The following ACACB variants were observed in gnomAD, a reference collection of about 807,000 sequenced individuals.
ACACB encodes acetyl-CoA carboxylase beta, also known as acetyl-CoA carboxylase 2.
In ACACB, 209 loss-of-function variants were observed where a neutral mutation model predicts 278.8. The ratio of observed to expected loss-of-function variants is 0.75; its 90% CI spans 0.67 to 0.84. The LOEUF (loss-of-function observed/expected upper bound fraction) is 0.84. Among genes scored for constraint, ACACB ranks in the 40% least tolerant of loss-of-function variants. The pLI is 0.00. For missense variants in ACACB, 2,850 were observed against 3,269.0 expected, an observed-to-expected ratio of 0.87 and a Z score of 3.13; for synonymous variants, 1,174 against 1,285.6, an observed-to-expected ratio of 0.91 and a Z score of 1.86.
chr12:109,164,717 A>ATT (rs36026617), intron 2 of ACACB, among the ~76,000 whole-genome samples: 29,957 of 134,050 alleles, frequency 0.22, 3,595 homozygotes, highest in East Asian at 0.29. Context: ...GCTAATTTAA[A>ATT]TTTTTTTTTT....
chr12:109,262,268 C>G, intron 48 of ACACB, 89 bp from the exon 49 acceptor site: 1 of 1,002,602 alleles, frequency 1.0e-6, no homozygotes, highest in Non-Finnish European at 1.5e-6. Flanking sequence ...TCTTCTGGCT[C>G]TCTTCCCTCC....
rs147400233 is a variant in ACACB at position 109,242,330 on chromosome 12, A to G, written c.5023-107A>G. 1.1e-4 allele frequency: 139 copies of G among 1,285,636 alleles called. No homozygotes were observed. The African/African-American group carries it at 1.8e-3, about 17-fold the overall frequency. 79.6% of individuals were successfully genotyped at this position (1,285,636 alleles called of 1,614,324 possible). A position where few individuals can be genotyped will look rare whatever the true frequency, so the allele number is the denominator to read the frequency against. ...CACTCACTTTGTCATGCCATGTGAC[A>G]TGCTTTGCTTCCCCCACCTGCATTT... is the stretch of plus-strand genomic sequence containing the variant. On this transcript the variant is annotated intron_variant, in intron 36 of 52. Coordinates refer to ENST00000338432, the MANE Select transcript of ACACB (RefSeq NM_001093.4).
intron 12 of ACACB, among the ~76,000 whole-genome samples, chr12:109,187,475 ATT>A (rs2044703838): frequency 6.9e-6 from 1 of 143,908 alleles, no homozygotes; most frequent in Non-Finnish European, 1.5e-5. Flanking sequence ...TTATTTATTT[ATT>A]TGAGACAGGT....
At chr12:109,164,551 C>G (rs2043837087) in intron 2 of ACACB, among the ~76,000 whole-genome samples, 1 of 150,706 alleles carries the variant, frequency 6.6e-6, no homozygotes, top group Non-Finnish European at 1.5e-5. Context: ...ATTTCACACA[C>G]AGCCAAGTGG....
intron 1 of ACACB, among the ~76,000 whole-genome samples, chr12:109,134,167 C>T (rs2042913570): frequency 6.6e-6 from 1 of 152,074 alleles, no homozygotes; most frequent in South Asian, 2.1e-4. Flanking sequence ...GGTCTATGTC[C>T]CCAAGCACCA....
At chr12:109,209,820 TGC>T (rs1250769720) in intron 21 of ACACB, among the ~76,000 whole-genome samples, 1 of 142,826 alleles carries the variant, frequency 7.0e-6, no homozygotes, top group African/African-American at 2.9e-5. Context: ...CACATATATA[TGC>T]ATATATATAC....
chr12:109,187,872 G>A (rs765039320), intron 12 of ACACB, 127 bp from the exon 13 acceptor site: 4 of 1,004,486 alleles, frequency 4.0e-6, no homozygotes, highest in Non-Finnish European at 5.7e-6. Context: ...CGATATCAGT[G>A]TTCTATTGAC....
At chr12:109,167,672 C>T (rs537865073) in intron 3 of ACACB, among the ~76,000 whole-genome samples, 1 of 112,916 alleles carries the variant, frequency 8.9e-6, no homozygotes, top group South Asian at 3.0e-4. Flanking sequence ...AAACAGCCAT[C>T]CATCCATCCA....
intron 5 of ACACB, 59 bp from the exon 6 acceptor site, chr12:109,172,216 C>A: frequency 6.5e-7 from 1 of 1,542,126 alleles, no homozygotes; most frequent in Non-Finnish European, 8.9e-7. Context: ...GTTACTGCAC[C>A]TGGCTGGGAG....
At chr12:109,209,870 TACAC>T (rs796952306) in intron 21 of ACACB, among the ~76,000 whole-genome samples, 5 of 128,036 alleles carry the variant, frequency 3.9e-5, no homozygotes, top group East Asian at 5.0e-4. Flanking sequence ...TATACACACA[TACAC>T]ACACGTGTGT....
At chr12:109,130,842 G>A (rs922066720) in intron 1 of ACACB, among the ~76,000 whole-genome samples, 3 of 152,150 alleles carry the variant, frequency 2.0e-5, no homozygotes, top group African/African-American at 7.2e-5. Flanking sequence ...TCCTGCCTGG[G>A]CTGACCTGTG....
chr12:109,193,569 A>G, intron 15 of ACACB, 79 bp from the exon 16 acceptor site: 2 of 1,233,078 alleles, frequency 1.6e-6, no homozygotes, highest in Non-Finnish European at 1.2e-6. Flanking sequence ...AGAGTTGCGT[A>G]ATTTTTTTAA....
At chr12:109,185,250 A>C (rs183835381) in intron 11 of ACACB, among the ~76,000 whole-genome samples, 1 of 152,342 alleles carries the variant, frequency 6.6e-6, no homozygotes, top group African/African-American at 2.4e-5. Context: ...TTAACTCTGC[A>C]GCCAACATGG....
chr12:109,266,479 C>T lies in ACACB; in HGVS notation c.*117C>T. 7.6e-7 allele frequency: 1 copy of T among 1,309,938 alleles called. No individual in the cohort carries two copies. The highest frequency in any genetic ancestry group is 1.0e-6 in the Non-Finnish European group (1 of 992,654). 81.1% of individuals were successfully genotyped at this position (1,309,938 alleles called of 1,614,324 possible). ...TTTTAAACAAAGAAAATCCTGGGCA[C>T]TTCTGCAGGGCTGCTGGTTCCGAGC... On this transcript the variant is annotated 3_prime_UTR_variant, in exon 53 of 53. Coordinates refer to ENST00000338432, the MANE Select transcript of ACACB (RefSeq NM_001093.4).
rs757435011 is a variant in ACACB, at chr12:109,171,886, T to A, written c.1007T>A (p.Val336Glu). 2 of 1,614,148 alleles carry A rather than the reference T, an allele frequency of 1.2e-6. No individual in the cohort carries two copies. The highest frequency in any genetic ancestry group is 1.7e-6 in the Non-Finnish European group (2 of 1,180,016). The change falls in exon 5 of 53, where the codon GTG becomes GAG. Residue 336 changes from valine (V) to glutamate (E), a missense_variant. Val to Glu is a moderately radical substitution (Grantham distance 121). Coordinates refer to ENST00000338432, the MANE Select transcript of ACACB (RefSeq NM_001093.4). ...AACTATGCCAACGTGGAGCTGATTG[T>A]GGACATTGCCAAGAGAATCCCCGTG... The part of the protein sequence containing the change: ...NNNYANVELI[V>E]DIAKRIPVQA...
At chr12:109,215,492 G>C (rs530791514) in intron 22 of ACACB, among the ~76,000 whole-genome samples, 3 of 152,034 alleles carry the variant, frequency 2.0e-5, no homozygotes, top group African/African-American at 7.2e-5. Context: ...GGCTGGGCGC[G>C]GTGGCTCATG....
intron 20 of ACACB, among the ~76,000 whole-genome samples, 162 bp from the exon 21 acceptor site, chr12:109,209,003 G>A (rs1288618758): frequency 6.6e-6 from 1 of 152,136 alleles, no homozygotes. Flanking sequence ...TGGTCAGGGG[G>A]CCATTCCACT....
intron 19 of ACACB, among the ~76,000 whole-genome samples, chr12:109,202,346 G>A (rs189667993): frequency 5.3e-5 from 8 of 151,764 alleles, no homozygotes; most frequent in South Asian, 2.1e-4. Context: ...ACAGACTCTC[G>A]CTCTGTCGCC....
At chr12:109,207,654 A>G (rs1426758665) in intron 20 of ACACB, among the ~76,000 whole-genome samples, 1 of 152,066 alleles carries the variant, frequency 6.6e-6, no homozygotes, top group Admixed American at 6.6e-5. Flanking sequence ...ATAACCGCCA[A>G]CCCTTAGCAA....
Sources: allele counts gnomAD v4.1 joint callset (sites outside exome capture counted in the v4.1 genomes callset), GRCh38; gene constraint gnomAD v4.1.1; transcripts MANE v1.5; gene names NCBI Gene and HGNC (gene_info 2026-07-23, HGNC 2026-07-21).